ATP12A: variants seen among roughly 807,000 people sequenced by gnomAD.
The protein encoded by ATP12A is ATPase H+/K+ transporting non-gastric alpha2 subunit, also known as potassium-transporting ATPase alpha chain 2.
In ATP12A, 81 loss-of-function variants were observed where a neutral mutation model predicts 111.2. The observed-to-expected ratio is 0.73, with a 90% confidence interval of 0.61 to 0.88. The LOEUF (loss-of-function observed/expected upper bound fraction) is 0.88, where lower values mean the gene tolerates loss of function less well. Ranked by LOEUF, ATP12A falls within the 40% of genes least tolerant of loss-of-function variation. The pLI, the probability that ATP12A is intolerant of heterozygous loss-of-function variation, is 0.00. For missense variants in ATP12A, 1,196 were observed against 1,313.1 expected (o/e 0.91, Z 1.38); for synonymous variants, 498 against 499.8 (o/e 1.00, Z 0.05).
Position 24,698,696 on chromosome 13 carries a change from C to T in ATP12A, c.1551C>T (p.Arg517=). The change falls in exon 12 of 23, where the codon CGC becomes CGT. Residue 517 remains arginine, a synonymous_variant. Coordinates refer to ENST00000381946, the MANE Select transcript of ATP12A (RefSeq NM_001676.7). Reference sequence around the variant, plus strand: ...AGATGGATGACCCCCACGGCAAGCGCTTCCTCATGGTGATGAAGGGGGCCC... The same window carrying T: ...AGATGGATGACCCCCACGGCAAGCGTTTCCTCATGGTGATGAAGGGGGCCC... ...IHEMDDPHGK[R]FLMVMKGAPE... is the part of the protein sequence containing the mutation. 1 of 1,613,962 alleles carries T rather than the reference C, an allele frequency of 6.2e-7. No individual in the cohort carries two copies. The highest frequency in any genetic ancestry group is 8.5e-7 in the Non-Finnish European group (1 of 1,180,014).
Position 24,709,439 on chromosome 13 carries a change from G to A in ATP12A, c.2569G>A (p.Asp857Asn). The change falls in exon 18 of 23, where the codon GAC (aspartate) becomes AAC (asparagine). Residue 857 changes from aspartate to asparagine, a missense_variant. Around this residue, in one of 3 missense-constraint regions of ATP12A, gnomAD observed 1,126 missense variants for 1,228.5 expected, o/e 0.92. Transcript: ENST00000381946. ...MNRKPRHKNKDRLVNQPLAVY... is the reference protein window; with the variant it reads ...MNRKPRHKNKNRLVNQPLAVY... ...CAGGAAGCCTCGCCACAAGAATAAG[G>A]ACAGGCTGGTGAACCAGCCGCTCGC... is the stretch of plus-strand genomic sequence containing the variant. 1 of 1,614,020 alleles carries A rather than the reference G, an allele frequency of 6.2e-7. No homozygotes were observed. Among genetic ancestry groups the A allele is most frequent in the Non-Finnish European group, 8.5e-7 (1 of 1,180,024 alleles).
chr13:24,693,991 C>T (rs1371945941), intron 10 of ATP12A, among the ~76,000 whole-genome samples: 3 of 152,138 alleles, frequency 2.0e-5, no homozygotes, highest in Non-Finnish European at 2.9e-5. Context: ...AAAATCTCTC[C>T]GTACTTCCCT....
intron 3 of ATP12A, among the ~76,000 whole-genome samples, chr13:24,686,294 G>A (rs1355371943): frequency 6.6e-6 from 1 of 152,018 alleles, no homozygotes; most frequent in African/African-American, 2.4e-5. Flanking sequence ...CAAACAATTG[G>A]CAGGGCGTGG....
chr13:24,684,554 A>T (rs945610542), intron 2 of ATP12A, among the ~76,000 whole-genome samples: 1 of 152,124 alleles, frequency 6.6e-6, no homozygotes. Context: ...AGTGGTTCTC[A>T]AAGGGAGAGG....
Position 24,707,019 on chromosome 13 carries a change from A to C in ATP12A, c.2170-4A>C, listed in dbSNP as rs1192485629. 1 of 1,592,346 alleles carries C rather than the reference A, an allele frequency of 6.3e-7. No individual in the cohort carries two copies. The highest frequency in any genetic ancestry group is 1.3e-5 in the African/African-American group (1 of 74,656). On this transcript the variant is annotated splice_polypyrimidine_tract_variant and splice_region_variant and intron_variant, in intron 15 of 22. Transcript: ENST00000381946. ...CCACTTTCTCCCTGGGTCCCCCGCC[A>C]TAGGATGCTGTTGTTGCTGTGACCG...
At chr13:24,707,478 G>C in intron 17 of ATP12A, 45 bp downstream of exon 17, 1 of 1,611,508 alleles carries the variant, frequency 6.2e-7, no homozygotes. Context: ...TGCCCCAGGG[G>C]AGGTCAAGTT....
chr13:24,703,334 C>T (rs1377259942), intron 14 of ATP12A, among the ~76,000 whole-genome samples: 5 of 152,226 alleles, frequency 3.3e-5, no homozygotes, highest in South Asian at 2.1e-4. Flanking sequence ...TCTCCACCTC[C>T]TGGGTTCAAG....
At chr13:24,708,271 C>T (rs1005019888) in intron 17 of ATP12A, among the ~76,000 whole-genome samples, 18 of 152,266 alleles carry the variant, frequency 1.2e-4, no homozygotes, top group African/African-American at 4.3e-4. Flanking sequence ...AAGAAAGCCC[C>T]GTCTAAGCTG....
At chr13:24,694,324 T>C in intron 10 of ATP12A, 120 bp from the exon 11 acceptor site, 1 of 1,305,164 alleles carries the variant, frequency 7.7e-7, no homozygotes, top group East Asian at 2.3e-5. Context: ...CCTGATCACG[T>C]GATAATGTCT....
chr13:24,680,572 G>C lies in ATP12A; in HGVS notation c.-172G>C, dbSNP rs1448304045. On this transcript the variant is annotated 5_prime_UTR_variant, in exon 1 of 23. Coordinates refer to ENST00000381946, the MANE Select transcript of ATP12A (RefSeq NM_001676.7). ...TGCCACCTCCCCGGTGCAGCGGCTG[G>C]CGATCGGCCGCGGAGGTGCGTGCAG... is the stretch of plus-strand genomic sequence containing the variant. 1.6e-6 allele frequency: 1 copy of C among 639,228 alleles called. No homozygotes were observed. The highest frequency in any genetic ancestry group is 2.4e-6 in the Non-Finnish European group (1 of 408,204). The allele number at this position is 639,228 out of a possible 1,614,324, so 39.6% of individuals were successfully genotyped here.
chr13:24,697,909 G>A (rs981003089), intron 11 of ATP12A, among the ~76,000 whole-genome samples: 2 of 152,118 alleles, frequency 1.3e-5, no homozygotes, highest in Non-Finnish European at 2.9e-5. Context: ...CAAAATTGTA[G>A]CACTTTTCTT....
Position 24,710,448 on chromosome 13 carries a change from G to A in ATP12A, c.2764-12G>A. The A allele has an allele frequency of 1.2e-6, 2 of 1,613,784 alleles. No homozygotes were observed. Among genetic ancestry groups the A allele is most frequent in the South Asian group, 1.1e-5 (1 of 90,984 alleles). On this transcript the variant is annotated splice_polypyrimidine_tract_variant and intron_variant, in intron 19 of 22. Coordinates refer to ENST00000381946, the MANE Select transcript of ATP12A (RefSeq NM_001676.7). ...AGGCCTCAAGGTCTCTTCCTTCTCT[G>A]CCCATTAACAGACAAGGTACCAGAG...
intron 12 of ATP12A, among the ~76,000 whole-genome samples, chr13:24,699,831 TC>T (rs1160996932): frequency 6.6e-6 from 1 of 152,214 alleles, no homozygotes; most frequent in Non-Finnish European, 1.5e-5. Context: ...TGGTTGACGA[TC>T]CGGCTCATTA....
intron 15 of ATP12A, 42 bp downstream of exon 15, chr13:24,706,505 C>T: frequency 1.2e-6 from 2 of 1,602,334 alleles, no homozygotes; most frequent in Non-Finnish European, 8.5e-7. Context: ...AGGCCCATCA[C>T]TGTCCATGGG....
intron 17 of ATP12A, 70 bp from the exon 18 acceptor site, chr13:24,709,294 G>T: frequency 8.9e-6 from 1 of 112,680 alleles, no homozygotes; most frequent in Non-Finnish European, 1.5e-5. Context: ...ACCCACCCCA[G>T]CCCCCCTCCC....
Position 24,685,445 on chromosome 13 carries a change from G to A in ATP12A, c.228+72G>A. On this transcript the variant is annotated intron_variant, in intron 3 of 22. Transcript: ENST00000381946. This position sits in a 1 kb window ranked among gnomAD's most constrained non-coding sequence, Gnocchi z 5.5. Reference sequence around the variant, plus strand: ...ACAGAGGGAAGGCTGTGTGTGGCGGGGGGCTGTGTGGAAGAGTAGCGGCAC... The same window carrying A: ...ACAGAGGGAAGGCTGTGTGTGGCGGAGGGCTGTGTGGAAGAGTAGCGGCAC... The A allele has an allele frequency of 6.6e-7, 1 of 1,512,292 alleles. No individual in the cohort carries two copies. The highest frequency in any genetic ancestry group is 2.3e-5 in the East Asian group (1 of 44,426). 93.7% of individuals were successfully genotyped at this position (1,512,292 alleles called of 1,614,324 possible). A position where few individuals can be genotyped will look rare whatever the true frequency, so the allele number is the denominator to read the frequency against.
intron 7 of ATP12A, 121 bp downstream of exon 7, chr13:24,690,842 G>C: frequency 6.9e-7 from 1 of 1,447,220 alleles, no homozygotes; most frequent in Non-Finnish European, 9.5e-7. Flanking sequence ...GCATGGAACT[G>C]AAGGGCCTAG....
At chr13:24,704,615 A>G (rs879437673) in intron 14 of ATP12A, 2 of 166,856 alleles carry the variant, frequency 1.2e-5, no homozygotes, top group Non-Finnish European at 2.6e-5. Context: ...CAACTTCCTC[A>G]TCCTTTCAGA....
intron 7 of ATP12A, 46 bp from the exon 8 acceptor site, chr13:24,690,936 C>A (rs761488616): frequency 6.2e-7 from 1 of 1,608,650 alleles, no homozygotes; most frequent in Non-Finnish European, 8.5e-7. Flanking sequence ...CTGCACACCC[C>A]TCCTGGCTGA....
Sources: allele counts gnomAD v4.1 joint callset (sites outside exome capture counted in the v4.1 genomes callset), GRCh38; gene constraint gnomAD v4.1.1; regional missense constraint gnomAD v4.1.1; non-coding constraint Gnocchi (gnomAD v3.1); transcripts MANE v1.5; gene names NCBI Gene and HGNC (gene_info 2026-07-23, HGNC 2026-07-21).